The following RAPGEF5 variants were observed in gnomAD, a reference collection of about 807,000 sequenced individuals.
RAPGEF5 encodes Rap guanine nucleotide exchange factor 5.
RAPGEF5 carries 65 observed loss-of-function variants against 125.2 expected under a neutral mutation model. The ratio of observed to expected loss-of-function variants is 0.52; its 90% CI spans 0.43 to 0.64. The LOEUF (loss-of-function observed/expected upper bound fraction) is 0.64, where lower values mean the gene tolerates loss of function less well. Among genes scored for constraint, RAPGEF5 ranks in the 30% least tolerant of loss-of-function variants. The pLI is 0.00. For synonymous variants in RAPGEF5, 391 were observed against 385.9 expected, an observed-to-expected ratio of 1.01 and a Z score of -0.16; for missense variants, 958 against 1,048.1, an observed-to-expected ratio of 0.91 and a Z score of 1.19.
At chr7:22,317,950 A>G (rs1011082447) in intron 2 of RAPGEF5, 37 bp downstream of exon 2, 47 of 1,545,870 alleles carry the variant, frequency 3.0e-5, no homozygotes, top group Non-Finnish European at 4.0e-5. Context: ...GTCAATCACT[A>G]TTTCAGAAAA....
At chr7:22,236,423 T>C (rs60278636) in intron 7 of RAPGEF5, among the ~76,000 whole-genome samples, 5,900 of 152,260 alleles carry the variant, frequency 0.039, 377 homozygotes, top group African/African-American at 0.13. Context: ...TGGCACAATC[T>C]GCACCTCAAG....
chr7:22,166,996 G>T, intron 12 of RAPGEF5, 74 bp downstream of exon 12: 1 of 1,193,600 alleles, frequency 8.4e-7, no homozygotes, highest in Non-Finnish European at 1.2e-6. Context: ...AATTAAGGAA[G>T]GCAGTTAATT....
chr7:22,146,514 G>GTACA (rs1783444322), intron 19 of RAPGEF5, among the ~76,000 whole-genome samples: 1 of 152,090 alleles, frequency 6.6e-6, no homozygotes, highest in African/African-American at 2.4e-5. Flanking sequence ...GGATATGTGT[G>GTACA]TACATACATA....
intron 12 of RAPGEF5, among the ~76,000 whole-genome samples, chr7:22,166,215 C>T (rs971843509): frequency 7.9e-5 from 12 of 151,430 alleles, no homozygotes; most frequent in African/African-American, 1.7e-4. Context: ...GTGTGAGCCA[C>T]GACACCCAGC....
intron 7 of RAPGEF5, among the ~76,000 whole-genome samples, chr7:22,251,798 A>AAAAAAAAAAC (rs1786629410): frequency 6.6e-6 from 1 of 150,680 alleles, no homozygotes; most frequent in Non-Finnish European, 1.5e-5. Flanking sequence ...AAAAAAAAAA[A>AAAAAAAAAAC]AGTGGAGGTG....
At chr7:22,338,302 C>G (rs1199321252) in intron 1 of RAPGEF5, among the ~76,000 whole-genome samples, 14 of 152,210 alleles carry the variant, frequency 9.2e-5, no homozygotes, top group Non-Finnish European at 1.8e-4. Flanking sequence ...GTAGACAACT[C>G]CCAGCTCTTA....
intron 9 of RAPGEF5, among the ~76,000 whole-genome samples, chr7:22,210,739 C>T (rs1192807123): frequency 1.3e-5 from 2 of 152,100 alleles, no homozygotes; most frequent in African/African-American, 2.4e-5. Context: ...GAGCCTTGTT[C>T]ACTGACTTAT....
intron 9 of RAPGEF5, among the ~76,000 whole-genome samples, chr7:22,214,138 G>T (rs919886154): frequency 3.3e-5 from 5 of 152,194 alleles, no homozygotes; most frequent in African/African-American, 1.2e-4. Context: ...AGGAAACAGG[G>T]AAAAGGAAAT....
chr7:22,161,066 T>C (rs1376760118), intron 13 of RAPGEF5, among the ~76,000 whole-genome samples: 3 of 147,828 alleles, frequency 2.0e-5, no homozygotes, highest in Admixed American at 6.7e-5. Flanking sequence ...AAATTAGCCA[T>C]GCGTGGTAGC....
At chr7:22,178,485 T>C (rs1485406365) in intron 11 of RAPGEF5, among the ~76,000 whole-genome samples, 1 of 152,210 alleles carries the variant, frequency 6.6e-6, no homozygotes, top group African/African-American at 2.4e-5. Context: ...GGGCTCTATA[T>C]CAGGGTTCTC....
chr7:22,188,534 A>G (rs1784891188), intron 11 of RAPGEF5, among the ~76,000 whole-genome samples: 1 of 152,088 alleles, frequency 6.6e-6, no homozygotes, highest in African/African-American at 2.4e-5. Flanking sequence ...TGGGAGGCCA[A>G]GGTGGGTGGA....
intron 5 of RAPGEF5, among the ~76,000 whole-genome samples, chr7:22,295,579 A>C (rs531516811): frequency 1.3e-5 from 2 of 152,196 alleles, no homozygotes; most frequent in Non-Finnish European, 2.9e-5. Flanking sequence ...TAAACAATGG[A>C]AATTTTGAAG....
Position 22,121,517 on chromosome 7 carries a change from TTTGTGAC to T in RAPGEF5, c.*882_*888del, listed in dbSNP as rs1782583192. 1 of 152,202 alleles carries T rather than the reference TTTGTGAC, an allele frequency of 6.6e-6. No homozygotes were observed. Among genetic ancestry groups the T allele is most frequent in the Non-Finnish European group, 1.5e-5 (1 of 68,014 alleles). The allele number at this position is 152,202 out of a possible 1,614,324, so 9.4% of individuals were successfully genotyped here. A position where few individuals can be genotyped will look rare whatever the true frequency, so the allele number is the denominator to read the frequency against. Reference sequence around the variant, plus strand: ...ATCATCAGGCACAAGAATGCAGACTTTTGTGACTCTGTCACCTCAGCAAGCAGTTGGT... The same window carrying T: ...ATCATCAGGCACAAGAATGCAGACTTTCTGTCACCTCAGCAAGCAGTTGGT... On this transcript the variant is annotated 3_prime_UTR_variant, in exon 26 of 26. Transcript: ENST00000665637.
chr7:22,356,714 G>A, intron 1 of RAPGEF5, 116 bp downstream of exon 1: 1 of 473,386 alleles, frequency 2.1e-6, no homozygotes, highest in Non-Finnish European at 2.9e-6. Context: ...CGGCAGAAGG[G>A]CGTCCCTTCC....
At chr7:22,251,990 A>T (rs1478821943) in intron 7 of RAPGEF5, among the ~76,000 whole-genome samples, 3 of 152,000 alleles carry the variant, frequency 2.0e-5, no homozygotes, top group Non-Finnish European at 4.4e-5. Flanking sequence ...CACAGGGTAC[A>T]CTCATTATGC....
chr7:22,206,736 G>A (rs1785407090), intron 9 of RAPGEF5, among the ~76,000 whole-genome samples: 1 of 147,620 alleles, frequency 6.8e-6, no homozygotes, highest in South Asian at 2.1e-4. Context: ...ACTCCAAAAG[G>A]AATAGAAAAA....
intron 15 of RAPGEF5, 109 bp from the exon 16 acceptor site, chr7:22,156,997 T>A (rs1783831359): frequency 6.7e-7 from 1 of 1,483,650 alleles, no homozygotes; most frequent in South Asian, 1.4e-5. Flanking sequence ...TTTTTTAATA[T>A]GAAATCCACC....
chr7:22,290,528 A>G (rs937928047), intron 6 of RAPGEF5, among the ~76,000 whole-genome samples: 11 of 151,978 alleles, frequency 7.2e-5, no homozygotes, highest in East Asian at 1.9e-4. Flanking sequence ...GGCGGATCAC[A>G]AGGTCAGGAG....
rs143954444 is a variant in RAPGEF5, at chr7:22,176,441, G to T, written c.1205-9293C>A. Among the ~76,000 whole-genome samples the T allele has an allele frequency of 1.8e-4, 28 of 152,296 alleles. No individual in the cohort carries two copies. The East Asian group carries it at 3.1e-3, about 17-fold the overall frequency. On this transcript the variant is annotated intron_variant, in intron 11 of 25. Transcript: ENST00000665637. ...GTTAAGACTAAGGATTGGCAAGATA[G>T]CTAGGTTATATTAAAGATAAGAAGA...
Sources: gnomAD v4.1 joint callset for allele counts (sites outside exome capture counted in the v4.1 genomes callset) on GRCh38, gnomAD v4.1.1 for gene constraint, MANE v1.5 for transcripts, NCBI Gene and HGNC (gene_info 2026-07-23, HGNC 2026-07-21) for gene names.